Variants in N4BP2L2 observed in about 807,000 individuals in gnomAD.
N4BP2L2 encodes the protein NEDD4 binding protein 2 like 2.
Under a neutral mutation model 56.2 loss-of-function variants are expected in N4BP2L2, and 50 were observed. That is an observed-to-expected ratio of 0.89 (90% CI 0.71 to 1.13). The LOEUF is 1.13. Among genes scored for constraint, N4BP2L2 ranks in the 50% most tolerant of loss-of-function variants. The pLI is 0.00. For synonymous variants in N4BP2L2, 203 were observed against 223.6 expected (o/e 0.91, Z 0.82); for missense variants, 689 against 693.8 (o/e 0.99, Z 0.08).
chr13:32,473,075 G>C (rs1236359213), intron 6 of N4BP2L2, among the ~76,000 whole-genome samples: 1 of 152,154 alleles, frequency 6.6e-6, no homozygotes, highest in Admixed American at 6.6e-5. Context: ...GAGGTCAGGA[G>C]TTCGAGACCA....
At chr13:32,435,865 G>A (rs774654713) in intron 9 of N4BP2L2, among the ~76,000 whole-genome samples, 7 of 152,050 alleles carry the variant, frequency 4.6e-5, no homozygotes, top group African/African-American at 9.7e-5. Flanking sequence ...CACTGAAATC[G>A]TAGCAGCTGT....
chr13:32,465,567 C>T (rs1463243108), intron 6 of N4BP2L2, among the ~76,000 whole-genome samples: 3 of 152,176 alleles, frequency 2.0e-5, no homozygotes, highest in Admixed American at 1.3e-4. Flanking sequence ...ACAATATTTT[C>T]CCATAATATA....
intron 6 of N4BP2L2, among the ~76,000 whole-genome samples, chr13:32,460,504 CA>C (rs1445745715): frequency 6.6e-6 from 1 of 151,936 alleles, no homozygotes; most frequent in Non-Finnish European, 1.5e-5. Context: ...TTGCTATATA[CA>C]ACAGTGGAAT....
rs2056701857 is a variant in N4BP2L2, at chr13:32,536,945, G to C, written c.83C>G (p.Ser28Ter). 6.2e-7 allele frequency: 1 copy of C among 1,613,340 alleles called. No homozygotes were observed. The highest frequency in any genetic ancestry group is 8.5e-7 in the Non-Finnish European group (1 of 1,179,690). The change falls in exon 2 of 6, where the codon TCA (serine) becomes TGA (stop). Residue 28 changes from serine to a stop codon, truncating the protein, a stop_gained. Transcript: ENST00000267068. LOFTEE classifies it high-confidence loss of function. ...GTGAAAAACATACGACTCTGTGGTT[G>C]ACTTCAATTTTTTACAGCGTGGCTC... is the stretch of plus-strand genomic sequence containing the variant.
At chr13:32,477,865 A>T in intron 6 of N4BP2L2, 1 of 1,289,034 alleles carries the variant, frequency 7.8e-7, no homozygotes. Context: ...AACAAAATTC[A>T]TGCAGAATTC....
intron 6 of N4BP2L2, among the ~76,000 whole-genome samples, chr13:32,453,264 G>C (rs1362117382): frequency 6.6e-6 from 1 of 152,080 alleles, no homozygotes; most frequent in African/African-American, 2.4e-5. Context: ...TTCAAAAAAA[G>C]AAAAGTCAAC....
At chr13:32,478,214 T>C (rs1229270983) in intron 6 of N4BP2L2, 2 of 437,014 alleles carry the variant, frequency 4.6e-6, no homozygotes, top group Non-Finnish European at 7.7e-6. Flanking sequence ...TATTATGACA[T>C]TTAAGAAGCG....
chr13:32,508,312 G>A (rs748863699), downstream of N4BP2L2: 1 of 152,156 alleles, frequency 6.6e-6, no homozygotes, highest in Non-Finnish European at 1.5e-5. Context: ...AAGAAAGAGG[G>A]ACTTTTAAAT....
At chr13:32,443,533 G>A in exon 7 of N4BP2L2, 1 of 1,610,446 alleles carries the variant, frequency 6.2e-7, no homozygotes, top group South Asian at 1.1e-5. Context: ...GCACAGAATG[G>A]GTTCATGTGA....
rs140968835 is a variant in N4BP2L2 at position 32,440,007 on chromosome 13, C to T, written c.2105-1270G>A. On this transcript the variant is annotated intron_variant, in intron 7 of 9. Coordinates refer to the N4BP2L2 transcript ENST00000357505. ...CACCACTGCACTCTAGCCTGGGTGGCAGAGCGAGACTCCGTCTCAAAAAAA... is the reference window on the plus strand; with the variant it reads ...CACCACTGCACTCTAGCCTGGGTGGTAGAGCGAGACTCCGTCTCAAAAAAA... Among the ~76,000 whole-genome samples the T allele has an allele frequency of 8.3e-3, 1,172 of 141,468 alleles. 16 individuals are homozygous for T. The highest frequency in any genetic ancestry group is 0.029 in the African/African-American group (1,091 of 37,838). 92.8% of individuals were successfully genotyped at this position (141,468 alleles called of 152,430 possible).
downstream of N4BP2L2, chr13:32,505,469 C>T (rs1193007060): frequency 4.6e-5 from 7 of 152,222 alleles, no homozygotes; most frequent in East Asian, 1.9e-4. Flanking sequence ...GAGAATTTTC[C>T]GAATCTTCAG....
At chr13:32,448,745 AC>A (rs2077416536) in intron 6 of N4BP2L2, among the ~76,000 whole-genome samples, 1 of 152,190 alleles carries the variant, frequency 6.6e-6, no homozygotes, top group Admixed American at 6.5e-5. Context: ...CCAGAAAAAA[AC>A]ATTTCCCAAT....
chr13:32,532,753 G>A (rs1159725591), intron 2 of N4BP2L2, among the ~76,000 whole-genome samples: 1 of 151,596 alleles, frequency 6.6e-6, no homozygotes, highest in African/African-American at 2.4e-5. Context: ...ACCACGCCCA[G>A]CTCATTTTTG....
intron 5 of N4BP2L2, 57 bp downstream of exon 5, chr13:32,521,314 CAG>C (rs1333460181): frequency 7.9e-7 from 1 of 1,260,118 alleles, no homozygotes; most frequent in Non-Finnish European, 1.1e-6. Context: ...GAAAGGATGT[CAG>C]AATTCACAAA....
chr13:32,528,957 T>G (rs2053869492), intron 2 of N4BP2L2, among the ~76,000 whole-genome samples: 1 of 152,222 alleles, frequency 6.6e-6, no homozygotes, highest in African/African-American at 2.4e-5. Context: ...GCTGTTTGCA[T>G]ATAAACTATG....
intron 3 of N4BP2L2, chr13:32,526,806 C>T (rs945647254): frequency 9.7e-6 from 1 of 103,568 alleles, no homozygotes; most frequent in Non-Finnish European, 1.9e-5. Context: ...AGGCCAGGCA[C>T]ACTTTTTGTC....
rs900345587 is a variant in N4BP2L2, at chr13:32,449,404, A to G, written c.366-5278T>C. 5.9e-5 allele frequency among the ~76,000 whole-genome samples: 9 copies of G among 152,328 alleles called. No homozygotes were observed. In the East Asian group the frequency reaches 1.7e-3, roughly 29 times the overall value. On this transcript the variant is annotated intron_variant, in intron 6 of 9. Transcript: ENST00000357505. Reference sequence around the variant, plus strand: ...AATATTTCTTTGGGTTCTACTTCCAATTTATATCAACAGAAACTAGAAATT... The same window carrying G: ...AATATTTCTTTGGGTTCTACTTCCAGTTTATATCAACAGAAACTAGAAATT...
chr13:32,472,701 C>T (rs987887401), intron 6 of N4BP2L2, among the ~76,000 whole-genome samples: 6 of 152,332 alleles, frequency 3.9e-5, no homozygotes, highest in African/African-American at 1.4e-4. Flanking sequence ...ATGAAGCTAG[C>T]TGAGCCTAGG....
At chr13:32,462,487 G>GTT (rs2080307965) in intron 6 of N4BP2L2, among the ~76,000 whole-genome samples, 2 of 152,022 alleles carry the variant, frequency 1.3e-5, no homozygotes, top group Admixed American at 1.3e-4. Context: ...ATGAAGAGAG[G>GTT]TTGGTTAATG....
Sources: allele counts gnomAD v4.1 joint callset (sites outside exome capture counted in the v4.1 genomes callset), GRCh38; gene constraint gnomAD v4.1.1; transcripts MANE v1.5; gene names NCBI Gene and HGNC (gene_info 2026-07-23, HGNC 2026-07-21).